Variants in HPF1 observed in about 807,000 individuals in gnomAD.
The protein encoded by HPF1 is UPF0609 protein C4orf27.
HPF1 carries 35 observed loss-of-function variants against 38.8 expected under a neutral mutation model. That is an observed-to-expected ratio of 0.90 (90% CI 0.69 to 1.19). The LOEUF (loss-of-function observed/expected upper bound fraction) is 1.19, where lower values mean the gene tolerates loss of function less well. Ranked by LOEUF, HPF1 falls within the 50% of genes most tolerant of loss-of-function variation. The pLI, the probability that HPF1 is intolerant of heterozygous loss-of-function variation, is 0.00. For synonymous variants in HPF1, 115 were observed against 139.2 expected (o/e 0.83, Z 1.22); for missense variants, 367 against 405.8 (o/e 0.90, Z 0.82).
intron 3 of HPF1, among the ~76,000 whole-genome samples, chr4:169,750,012 G>A (rs1005880485): frequency 4.1e-4 from 63 of 152,232 alleles, no homozygotes; most frequent in Admixed American, 1.0e-3. Context: ...TGGTACAAGC[G>A]GACAAGTATT....
intron 1 of HPF1, among the ~76,000 whole-genome samples, chr4:169,756,172 T>C (rs1430145198): frequency 6.6e-6 from 1 of 152,226 alleles, no homozygotes; most frequent in African/African-American, 2.4e-5. Context: ...GCACCTTCTG[T>C]GGATTAACTC....
chr4:169,742,006 C>A lies in HPF1; in HGVS notation c.599G>T (p.Gly200Val). Residue 200 changes from glycine (G) to valine (V), a missense_variant, in exon 5 of 8, where the codon GGG becomes GTG. Coordinates refer to ENST00000393381, the MANE Select transcript of HPF1 (RefSeq NM_017867.3). ...EKLTEAAREL[G>V]YSLEQRTVKM... Reference sequence around the variant, plus strand: ...CACGGTTCTCTGTTCAAGCGAGTACCCCAATTCTCTGGCTGCTTCTGTGAG... The same window carrying A: ...CACGGTTCTCTGTTCAAGCGAGTACACCAATTCTCTGGCTGCTTCTGTGAG... 1 of 1,613,354 alleles carries A rather than the reference C, an allele frequency of 6.2e-7. No homozygotes were observed. Among genetic ancestry groups the A allele is most frequent in the Non-Finnish European group, 8.5e-7 (1 of 1,179,354 alleles).
intron 4 of HPF1, among the ~76,000 whole-genome samples, chr4:169,742,589 A>T (rs28631486): frequency 1.3e-5 from 2 of 152,072 alleles, no homozygotes; most frequent in African/African-American, 2.4e-5. Context: ...TCAGGAGATC[A>T]AGACCATCCT....
At chr4:169,753,627 A>T in intron 2 of HPF1, 49 bp downstream of exon 2, 3 of 1,515,446 alleles carry the variant, frequency 2.0e-6, no homozygotes, top group Non-Finnish European at 2.7e-6. Context: ...CTGGTTTCCT[A>T]TTACATTACT....
At chr4:169,757,800 G>A (rs1361887705) in intron 1 of HPF1, 30 bp downstream of exon 1, 2 of 1,549,322 alleles carry the variant, frequency 1.3e-6, no homozygotes, top group African/African-American at 1.4e-5. Flanking sequence ...AAAGCGCCCC[G>A]CGTAGCCCGC....
intron 3 of HPF1, 32 bp downstream of exon 3, chr4:169,750,504 T>C: frequency 6.8e-7 from 1 of 1,473,732 alleles, no homozygotes; most frequent in Non-Finnish European, 9.3e-7. Context: ...GGACAGCAGC[T>C]GTATTTTAGA....
intron 5 of HPF1, among the ~76,000 whole-genome samples, chr4:169,741,110 C>G (rs17080031): frequency 2.2e-3 from 339 of 152,188 alleles, no homozygotes; most frequent in African/African-American, 7.8e-3. Context: ...CTAAAGAGTG[C>G]CTAGAACTTG....
chr4:169,733,995 C>T (rs569961198), intron 6 of HPF1, among the ~76,000 whole-genome samples: 4 of 152,034 alleles, frequency 2.6e-5, no homozygotes, highest in South Asian at 2.1e-4. Flanking sequence ...TCAGTCTTGA[C>T]GACAGTACAG....
intron 5 of HPF1, among the ~76,000 whole-genome samples, chr4:169,741,593 G>A (rs1044286835): frequency 2.6e-5 from 4 of 152,270 alleles, no homozygotes; most frequent in African/African-American, 9.6e-5. Context: ...TTATATACAC[G>A]TTTACTGGAG....
intron 5 of HPF1, among the ~76,000 whole-genome samples, chr4:169,741,638 G>A (rs1447959764): frequency 1.3e-5 from 2 of 152,192 alleles, no homozygotes; most frequent in Non-Finnish European, 2.9e-5. Context: ...TATGTACAAA[G>A]CAGCTTTCAC....
At chr4:169,733,533 T>C (rs561209397) in intron 6 of HPF1, among the ~76,000 whole-genome samples, 1 of 152,152 alleles carries the variant, frequency 6.6e-6, no homozygotes, top group Non-Finnish European at 1.5e-5. Context: ...TGATAGGTGA[T>C]GTTAAATTCT....
intron 5 of HPF1, among the ~76,000 whole-genome samples, chr4:169,741,107 G>C (rs545224325): frequency 5.3e-5 from 8 of 152,310 alleles, no homozygotes; most frequent in Admixed American, 3.9e-4. Flanking sequence ...GGACTAAAGA[G>C]TGCCTAGAAC....
intron 1 of HPF1, among the ~76,000 whole-genome samples, chr4:169,756,924 T>A (rs1160888935): frequency 1.3e-5 from 2 of 152,214 alleles, no homozygotes; most frequent in Admixed American, 1.3e-4. Flanking sequence ...TACCCTGGTC[T>A]TCCTAGAATG....
chr4:169,753,686 T>C lies in HPF1; in HGVS notation c.198A>G (p.Glu66=), dbSNP rs1169382725. 8.7e-6 allele frequency: 14 copies of C among 1,611,166 alleles called. No homozygotes were observed. Among genetic ancestry groups the C allele is most frequent in the Non-Finnish European group, 1.2e-5 (14 of 1,179,432 alleles). Residue 66 remains glutamate, a synonymous_variant, in exon 2 of 8, where the codon GAA becomes GAG. Transcript: ENST00000393381. ...FWKFCEELDP[E]KPSDSLSASL... Reference sequence around the variant, plus strand: ...TCTGGAGCAACTCACCAGATGGCTTTTCAGGATCAAGTTCTTCACAGAACT... The same window carrying C: ...TCTGGAGCAACTCACCAGATGGCTTCTCAGGATCAAGTTCTTCACAGAACT...
intron 2 of HPF1, among the ~76,000 whole-genome samples, chr4:169,751,088 T>G (rs1053487849): frequency 6.6e-6 from 1 of 152,104 alleles, no homozygotes; most frequent in African/African-American, 2.4e-5. Context: ...GAGAGAAAGA[T>G]AGCAAAAATG....
At chr4:169,733,178 G>A (rs1389771983) in intron 6 of HPF1, among the ~76,000 whole-genome samples, 2 of 152,168 alleles carry the variant, frequency 1.3e-5, no homozygotes, top group Admixed American at 6.5e-5. Context: ...GAGTAGGCAT[G>A]GCAAGCATGC....
intron 4 of HPF1, among the ~76,000 whole-genome samples, chr4:169,745,226 A>G (rs1436220164): frequency 6.6e-6 from 1 of 152,216 alleles, no homozygotes; most frequent in Non-Finnish European, 1.5e-5. Flanking sequence ...CGGGCCTAAC[A>G]GGGTTGGCAG....
chr4:169,730,757 C>G (rs1733819002), intron 7 of HPF1, among the ~76,000 whole-genome samples: 2 of 152,208 alleles, frequency 1.3e-5, no homozygotes, highest in African/African-American at 4.8e-5. Context: ...TGACCGTCAC[C>G]TGGGAGCATG....
At chr4:169,735,793 G>GTCC (rs950430416) in intron 6 of HPF1, among the ~76,000 whole-genome samples, 1 of 151,970 alleles carries the variant, frequency 6.6e-6, no homozygotes, top group African/African-American at 2.4e-5. Context: ...GCCCACAATG[G>GTCC]TCCCATCAGA....
Sources: gnomAD v4.1 joint callset for allele counts (sites outside exome capture counted in the v4.1 genomes callset) on GRCh38, gnomAD v4.1.1 for gene constraint, MANE v1.5 for transcripts, NCBI Gene and HGNC (gene_info 2026-07-23, HGNC 2026-07-21) for gene names.